Variants in GPR137C observed in about 807,000 individuals in gnomAD.
The protein encoded by GPR137C is integral membrane protein GPR137C.
Under a neutral mutation model 43.4 loss-of-function variants are expected in GPR137C, and 27 were observed. The ratio of observed to expected loss-of-function variants is 0.62; its 90% confidence interval spans 0.46 to 0.86. GPR137C has a LOEUF of 0.86. Among genes scored for constraint, GPR137C ranks in the 40% least tolerant of loss-of-function variants. GPR137C has a pLI of 0.00. For synonymous variants in GPR137C, 285 were observed against 226.9 expected (o/e 1.26, Z -2.30); for missense variants, 522 against 534.6 (o/e 0.98, Z 0.23).
At chr14:52,576,890 C>T (rs1167377151) in intron 1 of GPR137C, among the ~76,000 whole-genome samples, 1 of 152,110 alleles carries the variant, frequency 6.6e-6, no homozygotes, top group Non-Finnish European at 1.5e-5. Context: ...AACAGGAACT[C>T]TCAATACTAT....
chr14:52,567,662 GT>G (rs397853244), intron 1 of GPR137C, among the ~76,000 whole-genome samples: 22,735 of 133,676 alleles, frequency 0.17, 1,383 homozygotes, highest in African/African-American at 0.22. Flanking sequence ...TTTTTTTTTG[GT>G]TTTTTTTTTT....
intron 6 of GPR137C, 146 bp from the exon 7 acceptor site, chr14:52,634,792 C>T (rs1174132140): frequency 1.6e-5 from 11 of 671,344 alleles, no homozygotes; most frequent in Non-Finnish European, 2.7e-5. Flanking sequence ...TGTAGAAAAG[C>T]ATTTTGTTAT....
At chr14:52,607,739 G>A (rs1161634871) in intron 3 of GPR137C, among the ~76,000 whole-genome samples, 1 of 152,146 alleles carries the variant, frequency 6.6e-6, no homozygotes, top group African/African-American at 2.4e-5. Flanking sequence ...GCTGGGCATG[G>A]TGGCGCATGC....
At chr14:52,600,992 A>G (rs537131097) in intron 3 of GPR137C, among the ~76,000 whole-genome samples, 4 of 152,338 alleles carry the variant, frequency 2.6e-5, no homozygotes, top group East Asian at 3.9e-4. Context: ...ATTGTGTAGC[A>G]AAATTTATAA....
At chr14:52,621,513 T>C (rs2039160542) in intron 3 of GPR137C, among the ~76,000 whole-genome samples, 2 of 151,882 alleles carry the variant, frequency 1.3e-5, no homozygotes, top group Admixed American at 6.6e-5. Context: ...TGGGTAAATA[T>C]GATTTTTAAC....
intron 1 of GPR137C, among the ~76,000 whole-genome samples, chr14:52,579,775 A>G (rs1297987517): frequency 2.6e-5 from 4 of 152,354 alleles, no homozygotes; most frequent in Non-Finnish European, 5.9e-5. Flanking sequence ...GTGTAACAAC[A>G]CATGTGAGAT....
chr14:52,625,347 T>C (rs1055238590), intron 3 of GPR137C, among the ~76,000 whole-genome samples: 2 of 150,432 alleles, frequency 1.3e-5, no homozygotes, highest in African/African-American at 4.9e-5. Context: ...CCAGGCGTGG[T>C]GGCGCGCACC....
chr14:52,601,509 TAGAG>T lies in GPR137C; in HGVS notation c.717+1182_717+1185del, dbSNP rs1231851785. Among the ~76,000 whole-genome samples the T allele has an allele frequency of 3.3e-3, 489 of 149,848 alleles. 3 individuals are homozygous for T. Among genetic ancestry groups the T allele is most frequent in the African/African-American group, 0.011 (454 of 40,880 alleles). The stretch of plus-strand genomic sequence containing the variant: ...GTGTGTGTGTGTGTGTATATATATA[TAGAG>T]AGAGAGAGAGAGAAGAGAAGAGACA... On this transcript the variant is annotated intron_variant, in intron 3 of 6. Transcript: ENST00000321662.
At chr14:52,585,155 A>G (rs1041077068) in intron 1 of GPR137C, among the ~76,000 whole-genome samples, 1 of 152,220 alleles carries the variant, frequency 6.6e-6, no homozygotes, top group Non-Finnish European at 1.5e-5. Flanking sequence ...ATCCTTCTCG[A>G]TATCAAAATA....
intron 1 of GPR137C, among the ~76,000 whole-genome samples, chr14:52,574,227 C>T (rs1030371719): frequency 9.9e-5 from 15 of 152,076 alleles, no homozygotes; most frequent in African/African-American, 3.4e-4. Flanking sequence ...GATATATACC[C>T]AAAGGATTAT....
intron 3 of GPR137C, among the ~76,000 whole-genome samples, chr14:52,606,386 T>C (rs1315632430): frequency 6.6e-6 from 1 of 152,124 alleles, no homozygotes; most frequent in Non-Finnish European, 1.5e-5. Context: ...TAATGTTTCC[T>C]TTTCTTTTTC....
At chr14:52,602,379 C>T (rs1187582438) in intron 3 of GPR137C, among the ~76,000 whole-genome samples, 1 of 151,892 alleles carries the variant, frequency 6.6e-6, no homozygotes, top group Non-Finnish European at 1.5e-5. Context: ...ATCAAACTGA[C>T]CCTGTTTCTT....
chr14:52,576,739 T>G (rs1462271795), intron 1 of GPR137C, among the ~76,000 whole-genome samples: 1 of 152,174 alleles, frequency 6.6e-6, no homozygotes, highest in African/African-American at 2.4e-5. Context: ...AGAATACACA[T>G]TCTTCCTACC....
intron 1 of GPR137C, among the ~76,000 whole-genome samples, chr14:52,558,267 A>C (rs2038225558): frequency 6.6e-6 from 1 of 152,112 alleles, no homozygotes; most frequent in Non-Finnish European, 1.5e-5. Context: ...CCTTGCAGTG[A>C]GGTCTTATAA....
At chr14:52,567,104 C>G in intron 1 of GPR137C, among the ~76,000 whole-genome samples, 1 of 151,928 alleles carries the variant, frequency 6.6e-6, no homozygotes. Flanking sequence ...CAAAGTGAGA[C>G]ACCGTCTGAA....
Position 52,635,149 on chromosome 14 carries a change from T to C in GPR137C, c.*34T>C. 6.7e-7 allele frequency: 1 copy of C among 1,487,262 alleles called. No individual in the cohort carries two copies. Among genetic ancestry groups the C allele is most frequent in the Non-Finnish European group, 9.0e-7 (1 of 1,108,196 alleles). The allele number at this position is 1,487,262 out of a possible 1,614,324, so 92.1% of individuals were successfully genotyped here. A position where few individuals can be genotyped will look rare whatever the true frequency, so the allele number is the denominator to read the frequency against. On this transcript the variant is annotated 3_prime_UTR_variant, in exon 7 of 7. Transcript: ENST00000321662. ...CCAAGTCATGATTCTTGAGTTGTTT[T>C]TCATAAATGTGTATATTCAATGTGT...
chr14:52,583,154 T>G (rs1175882480), intron 1 of GPR137C, among the ~76,000 whole-genome samples: 1 of 152,178 alleles, frequency 6.6e-6, no homozygotes, highest in Admixed American at 6.5e-5. Flanking sequence ...CAGTAAGTCA[T>G]TTAGATACAT....
At chr14:52,624,199 C>T (rs780746921) in intron 3 of GPR137C, among the ~76,000 whole-genome samples, 3 of 143,158 alleles carry the variant, frequency 2.1e-5, no homozygotes, top group Non-Finnish European at 4.5e-5. Context: ...GAGCACAATT[C>T]TAAATAACCC....
chr14:52,569,147 C>G (rs2038423853), intron 1 of GPR137C, among the ~76,000 whole-genome samples: 1 of 152,186 alleles, frequency 6.6e-6, no homozygotes, highest in Non-Finnish European at 1.5e-5. Context: ...TGGTGATACC[C>G]AGGCAAACAG....
Sources: gnomAD v4.1 joint callset for allele counts (sites outside exome capture counted in the v4.1 genomes callset) on GRCh38, gnomAD v4.1.1 for gene constraint, MANE v1.5 for transcripts, NCBI Gene and HGNC (gene_info 2026-07-23, HGNC 2026-07-21) for gene names.